The following ITSN1 variants were observed in gnomAD, a reference collection of about 807,000 sequenced individuals.
ITSN1 encodes intersectin 1.
In ITSN1, 58 loss-of-function variants were observed where a neutral mutation model predicts 239.8. The ratio of observed to expected loss-of-function variants is 0.24; its 90% CI spans 0.20 to 0.30. ITSN1 has a LOEUF of 0.30. Among genes scored for constraint, ITSN1 ranks in the 10% least tolerant of loss-of-function variants. The pLI, the probability that ITSN1 is intolerant of heterozygous loss-of-function variation, is 1.00. For synonymous variants in ITSN1, 780 were observed against 770.8 expected (o/e 1.01, Z -0.20); for missense variants, 1,558 against 2,103.3 (o/e 0.74, Z 5.07).
intron 16 of ITSN1, among the ~76,000 whole-genome samples, chr21:33,792,856 T>C (rs2071248572): frequency 6.6e-6 from 1 of 152,154 alleles, no homozygotes; most frequent in South Asian, 2.1e-4. Context: ...CTAGGTTCCC[T>C]ACTGAAGCCC....
chr21:33,750,180 T>C lies in ITSN1; in HGVS notation c.384T>C (p.Ala128=), dbSNP rs1250785423. Residue 128 remains alanine, a synonymous_variant, in exon 6 of 40, where the codon GCT becomes GCC. Coordinates refer to ENST00000381318, the MANE Select transcript of ITSN1 (RefSeq NM_003024.3). ...GGIASMPPLT[A]VAPVPMGSIP... is the part of the protein sequence containing the mutation. ...TCGCCAGCATGCCACCGCTTACAGC[T>C]GTTGCTCCAGTGCCAATGGGATCCA... The C allele has an allele frequency of 4.3e-6, 7 of 1,614,212 alleles. No individual in the cohort carries two copies. The highest frequency in any genetic ancestry group is 1.6e-4 in the Middle Eastern group (1 of 6,062).
Position 33,874,650 on chromosome 21 carries a change from C to CTTTTTTTTTTT in ITSN1, c.4174-701_4174-700insTTTTTTTTTTT, listed in dbSNP as rs146318076. On this transcript the variant is annotated intron_variant, in intron 33 of 39. Transcript: ENST00000381318. ...GAAACAGGGTGAATATTTTCTTTTT[C>CTTTTTTTTTTT]TTTCTTTTTTTTTTTTTGAGACGGA... Among the ~76,000 whole-genome samples the CTTTTTTTTTTT allele has an allele frequency of 1.4e-5, 2 of 138,814 alleles. 1 individual carries two copies. Among genetic ancestry groups the CTTTTTTTTTTT allele is most frequent in the African/African-American group, 5.4e-5 (2 of 36,986 alleles). 91.1% of individuals were successfully genotyped at this position (138,814 alleles called of 152,430 possible).
At chr21:33,654,505 A>G (rs553560583) in intron 1 of ITSN1, among the ~76,000 whole-genome samples, 138 of 152,264 alleles carry the variant, frequency 9.1e-4, no homozygotes, top group Middle Eastern at 3.4e-3. Flanking sequence ...AACCTTTGGA[A>G]TGTATATCTG....
intron 4 of ITSN1, among the ~76,000 whole-genome samples, chr21:33,727,253 A>T (rs557248246): frequency 6.6e-6 from 1 of 152,088 alleles, no homozygotes; most frequent in Non-Finnish European, 1.5e-5. Context: ...CAACTTTGCT[A>T]TGATGTGGAG....
chr21:33,653,598 C>T (rs1216816217), intron 1 of ITSN1, among the ~76,000 whole-genome samples: 1 of 152,112 alleles, frequency 6.6e-6, no homozygotes, highest in East Asian at 1.9e-4. Context: ...TCTCAGCTCA[C>T]TGCAAGCTCC....
chr21:33,791,444 C>A (rs1233227590), intron 16 of ITSN1, among the ~76,000 whole-genome samples: 1 of 152,128 alleles, frequency 6.6e-6, no homozygotes, highest in East Asian at 1.9e-4. Context: ...CTGCTATACT[C>A]AAAAACAAGT....
At chr21:33,683,493 C>A (rs1289547675) in intron 1 of ITSN1, among the ~76,000 whole-genome samples, 1 of 152,102 alleles carries the variant, frequency 6.6e-6, no homozygotes, top group Non-Finnish European at 1.5e-5. Flanking sequence ...CATCATTAAT[C>A]ATCTTTTCTT....
chr21:33,841,660 G>T (rs1473490432), intron 29 of ITSN1, among the ~76,000 whole-genome samples: 1 of 152,152 alleles, frequency 6.6e-6, no homozygotes, highest in Non-Finnish European at 1.5e-5. Context: ...ACAGGGCGGG[G>T]GCAACACCCC....
chr21:33,714,479 A>G (rs373128637), intron 1 of ITSN1, among the ~76,000 whole-genome samples: 1 of 152,242 alleles, frequency 6.6e-6, no homozygotes, highest in Admixed American at 6.5e-5. Flanking sequence ...CTAGAGTAGC[A>G]TGGTAAATAA....
At chr21:33,778,858 G>A (rs993161374) in intron 14 of ITSN1, among the ~76,000 whole-genome samples, 18 of 141,258 alleles carry the variant, frequency 1.3e-4, no homozygotes, top group Non-Finnish European at 1.8e-4. Flanking sequence ...GATTACAGGC[G>A]TGAGCCACCG....
At chr21:33,657,270 T>G (rs927105961) in intron 1 of ITSN1, among the ~76,000 whole-genome samples, 1 of 152,174 alleles carries the variant, frequency 6.6e-6, no homozygotes, top group Admixed American at 6.5e-5. Context: ...ACATGCGGTA[T>G]TTGGTTTTCT....
intron 29 of ITSN1, among the ~76,000 whole-genome samples, chr21:33,855,606 G>A (rs559033627): frequency 6.6e-6 from 1 of 152,250 alleles, no homozygotes; most frequent in African/African-American, 2.4e-5. Flanking sequence ...TCATTCCAGT[G>A]TGTCTGGGGC....
chr21:33,650,044 A>G (rs576976176), intron 1 of ITSN1, among the ~76,000 whole-genome samples: 3 of 151,512 alleles, frequency 2.0e-5, no homozygotes, highest in Non-Finnish European at 3.0e-5. Flanking sequence ...AAAAAAAAAA[A>G]AAGAAAGAAA....
chr21:33,795,446 T>C (rs2071468910), intron 17 of ITSN1, among the ~76,000 whole-genome samples: 1 of 152,156 alleles, frequency 6.6e-6, no homozygotes, highest in Non-Finnish European at 1.5e-5. Flanking sequence ...AGACTCTGTC[T>C]CAAGAAATTA....
At chr21:33,867,959 T>C (rs998720674) in intron 33 of ITSN1, among the ~76,000 whole-genome samples, 1 of 152,164 alleles carries the variant, frequency 6.6e-6, no homozygotes, top group Non-Finnish European at 1.5e-5. Context: ...GCTGCAGACT[T>C]TCGCGGTGTT....
intron 1 of ITSN1, among the ~76,000 whole-genome samples, chr21:33,659,396 C>G (rs887739782): frequency 5.9e-5 from 9 of 152,090 alleles, no homozygotes; most frequent in Admixed American, 3.9e-4. Context: ...AGGGGAACCC[C>G]TAAATTTGTA....
intron 12 of ITSN1, among the ~76,000 whole-genome samples, chr21:33,773,117 C>T (rs1448496572): frequency 6.6e-6 from 1 of 151,798 alleles, no homozygotes; most frequent in African/African-American, 2.4e-5. Flanking sequence ...AGCGATTCTC[C>T]TGCCTCAGTC....
intron 1 of ITSN1, among the ~76,000 whole-genome samples, chr21:33,651,376 C>T (rs2088517419): frequency 6.6e-6 from 1 of 152,200 alleles, no homozygotes; most frequent in African/African-American, 2.4e-5. Context: ...ATTCCATTGA[C>T]TCGGCTTCCA....
At chr21:33,699,725 T>A (rs930861121) in intron 1 of ITSN1, among the ~76,000 whole-genome samples, 6 of 152,106 alleles carry the variant, frequency 3.9e-5, no homozygotes, top group Non-Finnish European at 8.8e-5. Flanking sequence ...TCTCAAAAAA[T>A]TATAGAATAA....
Sources: allele counts gnomAD v4.1 joint callset (sites outside exome capture counted in the v4.1 genomes callset), GRCh38; gene constraint gnomAD v4.1.1; transcripts MANE v1.5; gene names NCBI Gene and HGNC (gene_info 2026-07-23, HGNC 2026-07-21).